The following PCSK5 variants were observed in gnomAD, a reference collection of about 807,000 sequenced individuals.
PCSK5 encodes the protein prohormone convertase 5.
A neutral mutation model predicts 233.2 loss-of-function variants in PCSK5; 129 were observed. The ratio of observed to expected loss-of-function variants is 0.55; its 90% CI spans 0.48 to 0.64. The LOEUF is 0.64. Among genes scored for constraint, PCSK5 ranks in the 30% least tolerant of loss-of-function variants. The pLI is 0.00. For synonymous variants in PCSK5, 825 were observed against 879.2 expected (o/e 0.94, Z 1.09); for missense variants, 2,076 against 2,430.1 (o/e 0.85, Z 3.06).
intron 3 of PCSK5, among the ~76,000 whole-genome samples, chr9:76,008,903 T>C (rs571677547): frequency 6.6e-6 from 1 of 152,328 alleles, no homozygotes; most frequent in South Asian, 2.1e-4. Flanking sequence ...AAAGTGAAAA[T>C]AGATGTTAAT....
chr9:76,025,397 TGAGGA>T (rs1432117853), intron 4 of PCSK5, among the ~76,000 whole-genome samples: 1 of 133,118 alleles, frequency 7.5e-6, no homozygotes, highest in African/African-American at 3.2e-5. Flanking sequence ...GTAAAAAAAA[TGAGGA>T]GAGAGAGAGA....
chr9:76,038,869 A>G (rs1337219096), intron 5 of PCSK5, among the ~76,000 whole-genome samples: 1 of 152,184 alleles, frequency 6.6e-6, no homozygotes, highest in African/African-American at 2.4e-5. Context: ...GAGATGCCAC[A>G]GCAACTGGGG....
chr9:76,169,950 C>A (rs1031446258), intron 13 of PCSK5, 110 bp downstream of exon 13: 8 of 834,610 alleles, frequency 9.6e-6, no homozygotes, highest in Middle Eastern at 6.2e-4. Flanking sequence ...TCATGTGGTT[C>A]ATTTCATGTG....
intron 20 of PCSK5, among the ~76,000 whole-genome samples, chr9:76,200,246 C>T (rs1824864303): frequency 6.6e-6 from 1 of 152,220 alleles, no homozygotes; most frequent in Admixed American, 6.5e-5. Context: ...ACCACCATCC[C>T]CCATGCCCTC....
intron 6 of PCSK5, among the ~76,000 whole-genome samples, chr9:76,071,409 A>C (rs1365501054): frequency 6.6e-6 from 1 of 152,194 alleles, no homozygotes; most frequent in Non-Finnish European, 1.5e-5. Flanking sequence ...GGATTGCTTG[A>C]AGATCTCTTT....
In PCSK5 at chr9:76,184,636, G is replaced by T. The variant is rs1165620673; in HGVS notation, c.2198-37G>T. On this transcript the variant is annotated intron_variant, in intron 16 of 37. Coordinates refer to ENST00000674117, the MANE Select transcript of PCSK5 (RefSeq NM_001372043.1). ...TCTGATGCTTTTATGGAATCCAATT[G>T]ACCAACTGATTTACAACTTTCTCTT... The T allele has an allele frequency of 2.2e-6, 3 of 1,371,824 alleles. No individual in the cohort carries two copies. The South Asian group carries it at 3.5e-5, about 16-fold the overall frequency. The allele number at this position is 1,371,824 out of a possible 1,614,324, so 85.0% of individuals were successfully genotyped here. A position where few individuals can be genotyped will look rare whatever the true frequency, so the allele number is the denominator to read the frequency against.
At chr9:75,898,628 T>A (rs957190820) in intron 1 of PCSK5, among the ~76,000 whole-genome samples, 4 of 149,940 alleles carry the variant, frequency 2.7e-5, no homozygotes, top group African/African-American at 9.9e-5. Flanking sequence ...AGTGGGATGC[T>A]GTTACTAGAA....
rs1021422381 is a variant in PCSK5 at position 75,986,128 on chromosome 9, A to G, written c.298-4A>G. 9 of 1,566,592 alleles carry G rather than the reference A, an allele frequency of 5.7e-6. No homozygotes were observed. The African/African-American group carries it at 1.1e-4, about 19-fold the overall frequency. ...GAATACTCACCAAATGTCCTTCTTG[A>G]CAGGTGGAATGGATCCAACAGCAAG... is the stretch of plus-strand genomic sequence containing the variant. On this transcript the variant is annotated splice_polypyrimidine_tract_variant and splice_region_variant and intron_variant, in intron 2 of 37. Transcript: ENST00000674117.
At chr9:76,191,720 G>C (rs1218756988) in intron 20 of PCSK5, among the ~76,000 whole-genome samples, 1 of 152,114 alleles carries the variant, frequency 6.6e-6, no homozygotes. Context: ...GGGTGATAAA[G>C]GCTTGGGGTG....
intron 35 of PCSK5, among the ~76,000 whole-genome samples, chr9:76,341,289 G>A (rs1415467275): frequency 1.3e-5 from 2 of 151,858 alleles, no homozygotes; most frequent in Non-Finnish European, 2.9e-5. Context: ...AGATCTTTCT[G>A]TTTGTGTCTT....
rs563302730 is a variant in PCSK5 at position 75,941,511 on chromosome 9, A to G, written c.297+9028A>G. 3.9e-5 allele frequency among the ~76,000 whole-genome samples: 6 copies of G among 152,196 alleles called. No homozygotes were observed. In the East Asian group the frequency reaches 1.2e-3, roughly 30 times the overall value. On this transcript the variant is annotated intron_variant, in intron 2 of 37. Transcript: ENST00000674117. ...AAACAGCATGGGCTTGGATCCAATG[A>G]CAAGCAGAGAGGCTGCAGATGTGCT...
chr9:76,224,967 AG>A, intron 20 of PCSK5, among the ~76,000 whole-genome samples: 1 of 152,334 alleles, frequency 6.6e-6, no homozygotes, highest in East Asian at 1.9e-4. Flanking sequence ...TAGCAGAGCA[AG>A]GTGTTTTAGT....
At chr9:75,909,090 C>T (rs907323276) in intron 1 of PCSK5, among the ~76,000 whole-genome samples, 10 of 151,912 alleles carry the variant, frequency 6.6e-5, no homozygotes, top group East Asian at 3.9e-4. Context: ...TTTGGTAGGC[C>T]GAGGTGGGCG....
chr9:76,336,311 T>C (rs1829676428), intron 34 of PCSK5, among the ~76,000 whole-genome samples: 1 of 76,814 alleles, frequency 1.3e-5, no homozygotes, highest in Admixed American at 1.7e-4. Context: ...TGAATTAGTC[T>C]ACAAAAAAAA....
intron 10 of PCSK5, among the ~76,000 whole-genome samples, chr9:76,149,670 C>A (rs749115468): frequency 6.6e-5 from 10 of 152,098 alleles, no homozygotes; most frequent in Non-Finnish European, 1.0e-4. Flanking sequence ...CATTTTTTAT[C>A]TTGTTCTCAT....
At chr9:75,995,809 C>A (rs139715194) in intron 3 of PCSK5, among the ~76,000 whole-genome samples, 70 of 151,432 alleles carry the variant, frequency 4.6e-4, no homozygotes, top group African/African-American at 1.7e-3. Flanking sequence ...TTGTTCTCTT[C>A]CCAATGATAA....
intron 22 of PCSK5, among the ~76,000 whole-genome samples, chr9:76,233,947 A>G (rs1826175762): frequency 6.6e-6 from 1 of 152,156 alleles, no homozygotes; most frequent in Non-Finnish European, 1.5e-5. Context: ...GAATTAAGAA[A>G]GACACGTTCT....
At chr9:76,101,759 G>C (rs577486566) in intron 8 of PCSK5, among the ~76,000 whole-genome samples, 4 of 152,108 alleles carry the variant, frequency 2.6e-5, no homozygotes, top group Non-Finnish European at 5.9e-5. Flanking sequence ...TCTCAGAGTT[G>C]GCCTGAAAAA....
chr9:76,293,397 A>G (rs1828337111), intron 25 of PCSK5, among the ~76,000 whole-genome samples: 1 of 152,196 alleles, frequency 6.6e-6, no homozygotes, highest in Non-Finnish European at 1.5e-5. Flanking sequence ...CATTCTCTAC[A>G]TTGACTATGT....
Sources: allele counts gnomAD v4.1 joint callset (sites outside exome capture counted in the v4.1 genomes callset), GRCh38; gene constraint gnomAD v4.1.1; transcripts MANE v1.5; gene names NCBI Gene and HGNC (gene_info 2026-07-23, HGNC 2026-07-21).